The following CCDC88A variants were observed in gnomAD, a reference collection of about 807,000 sequenced individuals.
CCDC88A encodes the protein coiled-coil and HOOK domain protein 88A.
CCDC88A carries 54 observed loss-of-function variants against 234.3 expected under a neutral mutation model. The observed-to-expected ratio is 0.23, with a 90% CI of 0.19 to 0.29. CCDC88A has a LOEUF of 0.29. Ranked by LOEUF, CCDC88A falls within the 10% of genes least tolerant of loss-of-function variation. The probability of loss-of-function intolerance (pLI) is 1.00; values close to 1 mark genes in which losing one functional copy is unlikely to be tolerated. For synonymous variants in CCDC88A, 753 were observed against 737.8 expected (o/e 1.02, Z -0.33); for missense variants, 1,832 against 2,123.4 (o/e 0.86, Z 2.70).
At position 55,318,998 on chromosome 2, in the gene CCDC88A, T is replaced by C. The variant is rs747844908; in HGVS notation, c.3169A>G (p.Thr1057Ala). Residue 1057 changes from threonine to alanine, a missense_variant, in exon 19 of 33, where the codon ACA (threonine) becomes GCA (alanine). Around this residue, in one of 6 missense-constraint regions of CCDC88A, gnomAD observed 1,282 missense variants for 1,543.6 expected, o/e 0.83. Transcript: ENST00000436346. ...RLIEVERNNA[T>A]LQAEKQALKT... is the part of the protein sequence containing the mutation. ...AACGCTTGCTTCTCTGCTTGCAGTG[T>C]AGCATTCTTGAAAAACAAAAACCAA... is the stretch of plus-strand genomic sequence containing the variant. The C allele has an allele frequency of 1.2e-6, 2 of 1,611,512 alleles. No homozygotes were observed. The highest frequency in any genetic ancestry group is 2.2e-5 in the South Asian group (2 of 90,876).
intron 29 of CCDC88A, among the ~76,000 whole-genome samples, chr2:55,299,032 T>C (rs1680557819): frequency 1.3e-5 from 2 of 152,136 alleles, no homozygotes; most frequent in Non-Finnish European, 2.9e-5. Flanking sequence ...AAACCCTGTC[T>C]CCACTAAAAA....
In CCDC88A at chr2:55,373,393, T is replaced by C. The variant is rs1016476797; in HGVS notation, c.344-883A>G. 8.5e-5 allele frequency among the ~76,000 whole-genome samples: 13 copies of C among 152,280 alleles called. 1 individual carries two copies. The highest frequency in any genetic ancestry group is 3.1e-4 in the African/African-American group (13 of 41,564). On this transcript the variant is annotated intron_variant, in intron 4 of 32. Transcript: ENST00000436346. ...CTAGTGAACTACTTGCTAATCACAATCCTAGGCACAGCTCTTATCATCTCT... is the reference window on the plus strand; with the variant it reads ...CTAGTGAACTACTTGCTAATCACAACCCTAGGCACAGCTCTTATCATCTCT...
chr2:55,291,652 T>C (rs1292265342), intron 32 of CCDC88A, 24 bp downstream of exon 32: 1 of 1,093,540 alleles, frequency 9.1e-7, no homozygotes, highest in Non-Finnish European at 1.4e-6. Context: ...CTAATCTCAT[T>C]TACATTTTAA....
chr2:55,346,114 T>C, intron 10 of CCDC88A, 61 bp downstream of exon 10: 1 of 1,206,560 alleles, frequency 8.3e-7, no homozygotes, highest in Non-Finnish European at 1.2e-6. Context: ...AACTGCATTT[T>C]AAATGTGTTA....
intron 3 of CCDC88A, among the ~76,000 whole-genome samples, chr2:55,381,650 G>C (rs1051083921): frequency 2.0e-5 from 3 of 149,546 alleles, no homozygotes; most frequent in Admixed American, 6.7e-5. Context: ...TTGTAAGAAA[G>C]ACTACTTCAC....
chr2:55,393,456 A>G (rs1455399054), intron 2 of CCDC88A, among the ~76,000 whole-genome samples: 1 of 151,618 alleles, frequency 6.6e-6, no homozygotes, highest in Non-Finnish European at 1.5e-5. Context: ...ACGCCCGGCT[A>G]ATTTTTTTTG....
In CCDC88A at chr2:55,328,859, T is replaced by C; in HGVS notation, c.2856-424A>G. 6.5e-6 allele frequency: 1 copy of C among 154,260 alleles called. No homozygotes were observed. The highest frequency in any genetic ancestry group is 1.4e-5 in the Non-Finnish European group (1 of 69,580). The allele number at this position is 154,260 out of a possible 1,614,324, so 9.6% of individuals were successfully genotyped here. On this transcript the variant is annotated intron_variant, in intron 16 of 32. Coordinates refer to ENST00000436346, the MANE Select transcript of CCDC88A (RefSeq NM_001365480.1). The surrounding 1 kb of genome is among the most constrained non-coding windows in gnomAD (Gnocchi z 4.3). ...AATCTCGGCTCACCGCAACCTCCGC[T>C]TCCCGTGTTCAAGCGATTCTCCTGC... is the stretch of plus-strand genomic sequence containing the variant.
At chr2:55,408,505 A>G (rs867428158) in intron 2 of CCDC88A, among the ~76,000 whole-genome samples, 1 of 152,160 alleles carries the variant, frequency 6.6e-6, no homozygotes, top group Non-Finnish European at 1.5e-5. Context: ...AGAGCCCACC[A>G]AAACCAAGAT....
chr2:55,313,609 G>A (rs6727038), intron 22 of CCDC88A: 86,754 of 151,862 alleles, frequency 0.57, 25,482 homozygotes, highest in Admixed American at 0.64. Flanking sequence ...AAAATTTGGC[G>A]TCCCTTGTAG....
At chr2:55,415,022 A>C (rs1359437230) in intron 2 of CCDC88A, among the ~76,000 whole-genome samples, 2 of 150,654 alleles carry the variant, frequency 1.3e-5, no homozygotes, top group African/African-American at 4.9e-5. Context: ...AGTTGAGATC[A>C]CACCACTGCA....
intron 5 of CCDC88A, among the ~76,000 whole-genome samples, chr2:55,366,968 A>T (rs1261999925): frequency 1.3e-5 from 2 of 152,240 alleles, no homozygotes; most frequent in African/African-American, 2.4e-5. Context: ...GTTCATAGCA[A>T]CATTGTTTAC....
intron 5 of CCDC88A, among the ~76,000 whole-genome samples, chr2:55,367,528 G>GTTTTTTGTTTTTTTTTTTTTTTTTTTT (rs1553419617): frequency 1.0e-5 from 1 of 99,890 alleles, no homozygotes; most frequent in African/African-American, 4.3e-5. Context: ...TTATTTCCTT[G>GTTTTTTGTTTTTTTTTTTTTTTTTTTT]TTTTTTTTTA....
At chr2:55,416,671 A>G (rs893612391) in intron 2 of CCDC88A, among the ~76,000 whole-genome samples, 12 of 151,170 alleles carry the variant, frequency 7.9e-5, no homozygotes, top group African/African-American at 2.9e-4. Flanking sequence ...TAGAAATTAG[A>G]CTAGGCCTAA....
intron 2 of CCDC88A, among the ~76,000 whole-genome samples, chr2:55,389,283 A>G (rs1443661019): frequency 6.6e-6 from 1 of 152,236 alleles, no homozygotes; most frequent in African/African-American, 2.4e-5. Flanking sequence ...AATAGGGATT[A>G]TATTTGAACA....
chr2:55,334,969 C>T lies in CCDC88A; in HGVS notation c.1852G>A (p.Glu618Lys). Residue 618 changes from glutamate to lysine, a missense_variant, in exon 15 of 33, where the codon GAA (glutamate) becomes AAA (lysine). This residue lies in a region of CCDC88A where 1,282 missense variants were observed against 1,543.6 expected (regional missense o/e 0.83). Coordinates refer to ENST00000436346, the MANE Select transcript of CCDC88A (RefSeq NM_001365480.1). This position sits in a 1 kb window ranked among gnomAD's most constrained non-coding sequence, Gnocchi z 6.1. ...FEKRQIKKEL[E>K]HYKEKGERAE... Reference sequence around the variant, plus strand: ...CGTTCTCCTTTTTCTTTATAATGTTCCAATTCTTTTTTAATTTGTCTTTTT... The same window carrying T: ...CGTTCTCCTTTTTCTTTATAATGTTTCAATTCTTTTTTAATTTGTCTTTTT... 5.7e-6 allele frequency: 9 copies of T among 1,584,888 alleles called. No individual in the cohort carries two copies. The highest frequency in any genetic ancestry group is 6.9e-6 in the Non-Finnish European group (8 of 1,162,900).
intron 31 of CCDC88A, among the ~76,000 whole-genome samples, chr2:55,293,268 G>C (rs1679645288): frequency 6.6e-6 from 1 of 152,088 alleles, no homozygotes; most frequent in Non-Finnish European, 1.5e-5. Flanking sequence ...TATAACATTT[G>C]TGTCATATAC....
intron 2 of CCDC88A, among the ~76,000 whole-genome samples, chr2:55,394,834 A>ATGTTTT (rs752663401): frequency 1.2e-4 from 18 of 151,448 alleles, no homozygotes; most frequent in African/African-American, 3.4e-4. Context: ...AAGAAAAAAA[A>ATGTTTT]TGTTTTTGTT....
At chr2:55,408,762 G>A (rs1477208463) in intron 2 of CCDC88A, among the ~76,000 whole-genome samples, 1 of 152,036 alleles carries the variant, frequency 6.6e-6, no homozygotes, top group African/African-American at 2.4e-5. Flanking sequence ...TAATAAACTT[G>A]CTTTCACTTT....
chr2:55,386,160 T>A (rs1675586464), intron 3 of CCDC88A, among the ~76,000 whole-genome samples: 1 of 151,716 alleles, frequency 6.6e-6, no homozygotes, highest in African/African-American at 2.4e-5. Flanking sequence ...GAGCCAGAGG[T>A]TGCAGTGGTC....
Sources: allele counts gnomAD v4.1 joint callset (sites outside exome capture counted in the v4.1 genomes callset), GRCh38; gene constraint gnomAD v4.1.1; regional missense constraint gnomAD v4.1.1; non-coding constraint Gnocchi (gnomAD v3.1); transcripts MANE v1.5; gene names NCBI Gene and HGNC (gene_info 2026-07-23, HGNC 2026-07-21).